Variants in HECW2 observed in about 807,000 individuals in gnomAD.
HECW2 encodes the protein E3 ubiquitin-protein ligase HECW2.
A neutral mutation model predicts 175.2 loss-of-function variants in HECW2; 61 were observed. The ratio of observed to expected loss-of-function variants is 0.35; its 90% CI spans 0.28 to 0.43. The LOEUF (loss-of-function observed/expected upper bound fraction) is 0.43, where lower values mean the gene tolerates loss of function less well. Ranked by LOEUF, HECW2 falls within the 20% of genes least tolerant of loss-of-function variation. HECW2 has a pLI of 1.00. For missense variants in HECW2, 1,524 were observed against 2,000.5 expected (o/e 0.76, Z 4.54); for synonymous variants, 671 against 731.0 (o/e 0.92, Z 1.32).
chr2:196,476,430 G>A (rs1299454111), intron 1 of HECW2, among the ~76,000 whole-genome samples: 20 of 147,184 alleles, frequency 1.4e-4, no homozygotes, highest in Admixed American at 1.3e-3. Context: ...ATGACAAAGC[G>A]AGACTCCATC....
chr2:196,221,540 A>C (rs1687671223), intron 24 of HECW2, among the ~76,000 whole-genome samples: 1 of 152,082 alleles, frequency 6.6e-6, no homozygotes, highest in Admixed American at 6.6e-5. Flanking sequence ...CTTCAAAAAA[A>C]TCAATTTTGG....
intron 1 of HECW2, among the ~76,000 whole-genome samples, chr2:196,486,134 G>A (rs974612079): frequency 2.0e-5 from 3 of 152,172 alleles, no homozygotes; most frequent in Admixed American, 1.3e-4. Context: ...TACTGGCTAC[G>A]TGGAACATGT....
intron 1 of HECW2, among the ~76,000 whole-genome samples, chr2:196,540,606 G>A (rs750951448): frequency 1.3e-5 from 2 of 151,932 alleles, no homozygotes; most frequent in East Asian, 3.9e-4. Context: ...ACCATGCACG[G>A]CTAATTTTTT....
chr2:196,248,280 T>G (rs894320344), intron 19 of HECW2, among the ~76,000 whole-genome samples: 1 of 152,188 alleles, frequency 6.6e-6, no homozygotes, highest in Non-Finnish European at 1.5e-5. Flanking sequence ...GTAAAGGGTC[T>G]GCCAATAGCA....
intron 15 of HECW2, 40 bp downstream of exon 15, chr2:196,278,488 C>G: frequency 6.3e-7 from 1 of 1,595,918 alleles, no homozygotes; most frequent in African/African-American, 1.3e-5. Context: ...CTAGAAGCTT[C>G]TATCAACCAA....
At chr2:196,496,543 T>A (rs908725502) in intron 1 of HECW2, among the ~76,000 whole-genome samples, 11 of 152,210 alleles carry the variant, frequency 7.2e-5, no homozygotes, top group African/African-American at 2.7e-4. Flanking sequence ...ATATTCTTTT[T>A]ACAGCATGTT....
chr2:196,558,362 T>A lies in HECW2; in HGVS notation c.-36+35146A>T, dbSNP rs142536138. Among the ~76,000 whole-genome samples, 258 of 152,332 alleles carry A rather than the reference T, an allele frequency of 1.7e-3. 3 individuals carry two copies. Among genetic ancestry groups the A allele is most frequent in the Admixed American group, 0.015 (227 of 15,306 alleles). On this transcript the variant is annotated intron_variant, in intron 1 of 28. Coordinates refer to ENST00000644978, the MANE Select transcript of HECW2 (RefSeq NM_001348768.2). ...AGTTAGGATTTTGTGCCACACCTCC[T>A]GGTTTCCTGATATAAGCAGAGTTGT...
At chr2:196,578,226 A>G (rs1294433932) in intron 1 of HECW2, among the ~76,000 whole-genome samples, 1 of 152,240 alleles carries the variant, frequency 6.6e-6, no homozygotes. Context: ...ATTGAAATGA[A>G]TAATTCACTA....
At chr2:196,424,810 G>A (rs1695497493) in intron 2 of HECW2, among the ~76,000 whole-genome samples, 1 of 152,152 alleles carries the variant, frequency 6.6e-6, no homozygotes, top group South Asian at 2.1e-4. Flanking sequence ...AGCAAGTGTT[G>A]ATGTAGAAGT....
chr2:196,386,429 A>G (rs934055741), intron 2 of HECW2, among the ~76,000 whole-genome samples: 26 of 152,126 alleles, frequency 1.7e-4, no homozygotes, highest in African/African-American at 5.8e-4. Flanking sequence ...AAAGGCCCCC[A>G]TGAGGGAGCT....
chr2:196,341,096 G>A (rs905860821), intron 3 of HECW2, among the ~76,000 whole-genome samples: 2 of 152,142 alleles, frequency 1.3e-5, no homozygotes, highest in Non-Finnish European at 2.9e-5. Flanking sequence ...CACTTTGGGA[G>A]GGAGAAAGAA....
chr2:196,236,260 T>C (rs530875100), intron 21 of HECW2, among the ~76,000 whole-genome samples: 62 of 152,342 alleles, frequency 4.1e-4, no homozygotes, highest in Non-Finnish European at 6.3e-4. Context: ...CTGGGGGCTG[T>C]CATTTATCAG....
intron 1 of HECW2, among the ~76,000 whole-genome samples, chr2:196,502,590 G>A (rs1157021273): frequency 6.6e-6 from 1 of 152,218 alleles, no homozygotes; most frequent in East Asian, 1.9e-4. Flanking sequence ...GTACTCCAAT[G>A]GTGGCAGTAT....
At chr2:196,261,638 T>C (rs928926837) in intron 17 of HECW2, among the ~76,000 whole-genome samples, 3 of 152,234 alleles carry the variant, frequency 2.0e-5, no homozygotes, top group Non-Finnish European at 2.9e-5. Flanking sequence ...GGTCTCAACA[T>C]TGGTGATTTG....
At chr2:196,471,974 G>GT (rs1439696073) in intron 1 of HECW2, among the ~76,000 whole-genome samples, 9 of 114,804 alleles carry the variant, frequency 7.8e-5, no homozygotes, top group Non-Finnish European at 1.4e-4. Context: ...TAAAACAAAA[G>GT]TTTAAAAAAA....
intron 14 of HECW2, chr2:196,288,529 C>A (rs1356792966): frequency 1.3e-5 from 2 of 152,196 alleles, no homozygotes; most frequent in African/African-American, 2.4e-5. Context: ...TTAAGGGAGA[C>A]CAGCCGTTCC....
At chr2:196,522,994 G>A (rs535279170) in intron 1 of HECW2, among the ~76,000 whole-genome samples, 13 of 151,984 alleles carry the variant, frequency 8.6e-5, no homozygotes, top group Middle Eastern at 3.4e-3. Flanking sequence ...CTTTAAAGTA[G>A]TTTTTTCCAA....
chr2:196,515,880 T>C (rs1386935559), intron 1 of HECW2, among the ~76,000 whole-genome samples: 1 of 151,750 alleles, frequency 6.6e-6, no homozygotes, highest in Non-Finnish European at 1.5e-5. Context: ...TCCCAACACT[T>C]TGGGAGGTGG....
intron 2 of HECW2, among the ~76,000 whole-genome samples, chr2:196,371,791 C>T (rs545252753): frequency 6.6e-6 from 1 of 152,338 alleles, no homozygotes; most frequent in South Asian, 2.1e-4. Context: ...CAGTGAGCCT[C>T]TCCTAACCCA....
Sources: gnomAD v4.1 joint callset for allele counts (sites outside exome capture counted in the v4.1 genomes callset) on GRCh38, gnomAD v4.1.1 for gene constraint, MANE v1.5 for transcripts, NCBI Gene and HGNC (gene_info 2026-07-23, HGNC 2026-07-21) for gene names.